The following PTK2 variants were observed in gnomAD, a reference collection of about 807,000 sequenced individuals.
The protein encoded by PTK2 is focal adhesion kinase 1.
Under a neutral mutation model 150.1 loss-of-function variants are expected in PTK2, and 45 were observed. That is an observed-to-expected ratio of 0.30 (90% CI 0.24 to 0.38). PTK2 has a LOEUF of 0.38. Ranked by LOEUF, PTK2 falls within the 10% of genes least tolerant of loss-of-function variation. The pLI, the probability that PTK2 is intolerant of heterozygous loss-of-function variation, is 1.00. For synonymous variants in PTK2, 432 were observed against 449.2 expected, an observed-to-expected ratio of 0.96 and a Z score of 0.48; for missense variants, 919 against 1,307.3, an observed-to-expected ratio of 0.70 and a Z score of 4.58.
chr8:140,710,937 G>A (rs1256180594), intron 23 of PTK2, among the ~76,000 whole-genome samples: 3 of 152,074 alleles, frequency 2.0e-5, no homozygotes, highest in Non-Finnish European at 2.9e-5. Context: ...CATATCCCGC[G>A]GGACTTCTTT....
chr8:140,841,552 C>T (rs946243602), intron 7 of PTK2, among the ~76,000 whole-genome samples: 2 of 151,920 alleles, frequency 1.3e-5, no homozygotes, highest in Non-Finnish European at 2.9e-5. Context: ...TTTTAAAAAT[C>T]GGATCTTAAA....
At chr8:140,877,025 C>CTTTT (rs60000363) in intron 4 of PTK2, among the ~76,000 whole-genome samples, 24 of 71,874 alleles carry the variant, frequency 3.3e-4, no homozygotes, top group African/African-American at 8.8e-4. Flanking sequence ...TTCACTAATC[C>CTTTT]TTTTTTTTTT....
chr8:140,704,676 C>A (rs1400647469), intron 24 of PTK2, among the ~76,000 whole-genome samples: 4 of 152,074 alleles, frequency 2.6e-5, no homozygotes, highest in Admixed American at 6.6e-5. Context: ...TGCTTGTCTG[C>A]CAGAGGTCAG....
At chr8:140,718,565 A>G (rs2154274895) in intron 22 of PTK2, 1 of 152,332 alleles carries the variant, frequency 6.6e-6, no homozygotes, top group African/African-American at 2.4e-5. Flanking sequence ...AGTTCTAATA[A>G]TGACACTCAT....
chr8:140,803,501 T>A, intron 11 of PTK2, 42 bp downstream of exon 11: 2 of 1,500,406 alleles, frequency 1.3e-6, no homozygotes, highest in Non-Finnish European at 1.9e-6. Context: ...AACATCCCTA[T>A]TTAACCATTT....
intron 7 of PTK2, chr8:140,832,925 G>T (rs779426497): frequency 1.9e-6 from 1 of 518,970 alleles, no homozygotes; most frequent in South Asian, 1.4e-5. Flanking sequence ...GAAAGACCAG[G>T]GCAGGGAATA....
chr8:140,675,139 A>C (rs2100012858), intron 28 of PTK2, among the ~76,000 whole-genome samples: 2 of 150,370 alleles, frequency 1.3e-5, no homozygotes, highest in African/African-American at 4.9e-5. Flanking sequence ...AAAAGACACT[A>C]ATCTTGCATT....
At chr8:140,920,918 C>A (rs938943697) in intron 2 of PTK2, 4 of 1,510,530 alleles carry the variant, frequency 2.6e-6, no homozygotes, top group East Asian at 2.6e-5. Flanking sequence ...CAACATACAC[C>A]CAATCCTATA....
rs573894850 is a variant in PTK2 at position 140,906,372 on chromosome 8, T to C, written c.-32-15603A>G. On this transcript the variant is annotated intron_variant, in intron 2 of 31. Transcript: ENST00000522684. ...ATTCAAAAGAAAGGAAATCAGTATA[T>C]TGAAGTGATATCTGCATCCCCATTC... 4.6e-5 allele frequency among the ~76,000 whole-genome samples: 7 copies of C among 152,320 alleles called. No homozygotes were observed. In the South Asian group the frequency reaches 6.2e-4, roughly 14 times the overall value.
intron 31 of PTK2, among the ~76,000 whole-genome samples, chr8:140,663,313 C>A (rs540872131): frequency 2.3e-4 from 33 of 142,566 alleles, no homozygotes; most frequent in African/African-American, 9.8e-4. Context: ...GTTGGGAGTT[C>A]TCTCTATTAA....
At chr8:140,748,496 C>CA (rs61423469) in intron 17 of PTK2, among the ~76,000 whole-genome samples, 7,317 of 111,140 alleles carry the variant, frequency 0.066, 252 homozygotes, top group Middle Eastern at 0.11. Context: ...GACTCTGTCT[C>CA]AAAAAAAAAA....
intron 1 of PTK2, among the ~76,000 whole-genome samples, chr8:140,942,675 GATA>G (rs2100176277): frequency 1.3e-5 from 2 of 152,010 alleles, no homozygotes; most frequent in Admixed American, 6.6e-5. Context: ...AGAGTATATG[GATA>G]ATATCTGTTT....
At chr8:140,923,207 C>T (rs1242837730) in intron 2 of PTK2, among the ~76,000 whole-genome samples, 1 of 152,048 alleles carries the variant, frequency 6.6e-6, no homozygotes, top group Non-Finnish European at 1.5e-5. Flanking sequence ...AGGCCAGAGA[C>T]CAAGGTGACT....
At chr8:140,830,495 T>C (rs372460267) in exon 8 of PTK2, 3 of 1,543,358 alleles carry the variant, frequency 1.9e-6, no homozygotes, top group East Asian at 2.3e-5. Context: ...AGTAAACTCT[T>C]AGGAAAAAAT....
intron 1 of PTK2, among the ~76,000 whole-genome samples, chr8:140,927,955 AAAG>A (rs1569053425): frequency 1.7e-3 from 147 of 84,140 alleles, no homozygotes; most frequent in African/African-American, 2.8e-3. Context: ...AAAAAAAAAA[AAAG>A]AAAAAAAAAA....
chr8:140,883,751 A>G (rs1414128783), intron 3 of PTK2, among the ~76,000 whole-genome samples: 2 of 151,754 alleles, frequency 1.3e-5, no homozygotes, highest in Non-Finnish European at 2.9e-5. Flanking sequence ...CAAAGAATGT[A>G]CTTTTTTATC....
rs1021844714 is a variant in PTK2 at position 140,743,410 on chromosome 8, T to C, written c.1635-80A>G. ...AAGCTCATATATAAAGACATACCAATAGGCACTTTGAAAGACAGCTTATAT... is the reference window on the plus strand; with the variant it reads ...AAGCTCATATATAAAGACATACCAACAGGCACTTTGAAAGACAGCTTATAT... On this transcript the variant is annotated intron_variant, in intron 19 of 31. Transcript: ENST00000522684. 2.5e-5 allele frequency: 27 copies of C among 1,070,000 alleles called. No homozygotes were observed. In the Admixed American group the frequency reaches 3.0e-4, roughly 12 times the overall value. 66.3% of individuals were successfully genotyped at this position (1,070,000 alleles called of 1,614,324 possible). A position where few individuals can be genotyped will look rare whatever the true frequency, so the allele number is the denominator to read the frequency against.
intron 1 of PTK2, among the ~76,000 whole-genome samples, chr8:140,971,748 G>C (rs918584423): frequency 6.6e-6 from 1 of 152,156 alleles, no homozygotes; most frequent in Non-Finnish European, 1.5e-5. Flanking sequence ...AAAACAAAAA[G>C]CAAGATTTCA....
At chr8:140,696,010 G>A (rs1313905431) in intron 26 of PTK2, among the ~76,000 whole-genome samples, 2 of 152,116 alleles carry the variant, frequency 1.3e-5, no homozygotes, top group Admixed American at 6.5e-5. Context: ...GAAAAACAGT[G>A]ACACCAATGC....
Sources: gnomAD v4.1 joint callset for allele counts (sites outside exome capture counted in the v4.1 genomes callset) on GRCh38, gnomAD v4.1.1 for gene constraint, MANE v1.5 for transcripts, NCBI Gene and HGNC (gene_info 2026-07-23, HGNC 2026-07-21) for gene names.